Variants in PHF11 observed in about 807,000 individuals in gnomAD.
PHF11 encodes PHD finger protein 11.
A neutral mutation model predicts 40.5 loss-of-function variants in PHF11; 38 were observed. The observed-to-expected ratio is 0.94, with a 90% CI of 0.72 to 1.23. The LOEUF (loss-of-function observed/expected upper bound fraction) is 1.23. Among genes scored for constraint, PHF11 ranks in the 50% most tolerant of loss-of-function variants. The pLI is 0.00. For synonymous variants in PHF11, 127 were observed against 138.2 expected, an observed-to-expected ratio of 0.92 and a Z score of 0.57; for missense variants, 369 against 392.4, an observed-to-expected ratio of 0.94 and a Z score of 0.50.
At chr13:49,500,635 G>C (rs1328967459) in intron 1 of PHF11, among the ~76,000 whole-genome samples, 1 of 152,182 alleles carries the variant, frequency 6.6e-6, no homozygotes. Flanking sequence ...GATATGGGGG[G>C]ATTTAGCAGG....
chr13:49,521,355 T>C (rs1177150764), intron 5 of PHF11: 34 of 989,034 alleles, frequency 3.4e-5, no homozygotes, highest in African/African-American at 3.5e-5. Context: ...GACTGGATCC[T>C]GGCTAACTGG....
intron 1 of PHF11, among the ~76,000 whole-genome samples, chr13:49,498,802 ACTGT>A (rs1412904682): frequency 5.3e-5 from 8 of 152,232 alleles, no homozygotes; most frequent in Non-Finnish European, 1.2e-4. Flanking sequence ...CGCTGCCAGC[ACTGT>A]CTTTCTCTTA....
At chr13:49,514,058 C>T (rs998860960) in intron 3 of PHF11, among the ~76,000 whole-genome samples, 1 of 152,172 alleles carries the variant, frequency 6.6e-6, no homozygotes, top group Non-Finnish European at 1.5e-5. Context: ...GGGTCAGCTC[C>T]TCATGGGTCA....
At chr13:49,523,325 C>G in intron 7 of PHF11, 84 bp downstream of exon 7, 1 of 851,092 alleles carries the variant, frequency 1.2e-6, no homozygotes, top group South Asian at 1.4e-5. Context: ...CTTGGTATCC[C>G]GCCTAAATCT....
chr13:49,523,444 C>A (rs921860598), intron 7 of PHF11: 2 of 573,602 alleles, frequency 3.5e-6, no homozygotes, highest in Middle Eastern at 3.1e-4. Context: ...TGGTCCATTG[C>A]ATTCAGTATT....
intron 2 of PHF11, among the ~76,000 whole-genome samples, chr13:49,511,990 A>G (rs1366823893): frequency 6.6e-6 from 1 of 152,254 alleles, no homozygotes; most frequent in Non-Finnish European, 1.5e-5. Flanking sequence ...TAACCTTAAA[A>G]GTGATTGCAT....
chr13:49,503,295 C>T (rs1462085295), intron 1 of PHF11, among the ~76,000 whole-genome samples: 1 of 152,140 alleles, frequency 6.6e-6, no homozygotes, highest in Non-Finnish European at 1.5e-5. Context: ...CTGCCCTTGA[C>T]AATACTCCTT....
chr13:49,501,754 A>G (rs1958910831), intron 1 of PHF11, among the ~76,000 whole-genome samples: 1 of 151,818 alleles, frequency 6.6e-6, no homozygotes, highest in African/African-American at 2.4e-5. Context: ...GCAGTGGTGC[A>G]ATCTCAGCTC....
chr13:49,510,896 T>C (rs1013358099), intron 2 of PHF11, among the ~76,000 whole-genome samples: 27 of 152,216 alleles, frequency 1.8e-4, no homozygotes, highest in African/African-American at 6.3e-4. Flanking sequence ...TCAGAAAGTT[T>C]TGAGACATGT....
Position 49,496,108 on chromosome 13 carries a change from G to GGGGCGGGC in PHF11, c.94+29_94+36dup, listed in dbSNP as rs370049093. ...CTCCTTCCCACCGGTGTGTACCGCGGGGGCGGGCGGGCGGGCGGGCGGGGC... is the reference window on the plus strand; with the variant it reads ...CTCCTTCCCACCGGTGTGTACCGCGGGGGCGGGCGGGCGGGCGGGCGGGCGGGCGGGGC... On this transcript the variant is annotated intron_variant, in intron 1 of 9. Transcript: ENST00000378319. 18 of 691,728 alleles carry GGGGCGGGC rather than the reference G, an allele frequency of 2.6e-5. No homozygotes were observed. The highest frequency in any genetic ancestry group is 1.1e-4 in the African/African-American group (6 of 52,544). The allele number at this position is 691,728 out of a possible 1,614,324, so 42.8% of individuals were successfully genotyped here. A position where few individuals can be genotyped will look rare whatever the true frequency, so the allele number is the denominator to read the frequency against.
chr13:49,524,135 CTTAA>C lies in PHF11; in HGVS notation c.692_695del (p.Asn231ThrfsTer7), dbSNP rs1222308351. On this transcript the variant is annotated frameshift_variant, in exon 8 of 10. Transcript: ENST00000378319. LOFTEE classifies it high-confidence loss of function. The stretch of plus-strand genomic sequence containing the variant: ...TAAGAAATGCAAGGAAGCAGGACTT[CTTAA>C]TTACTTACTTGAAGAAATATTAGAC... 2.5e-6 allele frequency: 4 copies of C among 1,604,982 alleles called. No individual in the cohort carries two copies. Among genetic ancestry groups the C allele is most frequent in the Admixed American group, 1.7e-5 (1 of 59,538 alleles).
At position 49,496,036 on chromosome 13, in the gene PHF11, T is replaced by C. The variant is rs893951899; in HGVS notation, c.35T>C (p.Val12Ala). 6.8e-7 allele frequency: 1 copy of C among 1,469,670 alleles called. No homozygotes were observed. The highest frequency in any genetic ancestry group is 1.5e-5 in the African/African-American group (1 of 67,660). 91.0% of individuals were successfully genotyped at this position (1,469,670 alleles called of 1,614,324 possible). A position where few individuals can be genotyped will look rare whatever the true frequency, so the allele number is the denominator to read the frequency against. Residue 12 changes from valine to alanine, a missense_variant, in exon 1 of 10, where the codon GTG becomes GCG. Coordinates refer to ENST00000378319, the MANE Select transcript of PHF11 (RefSeq NM_001040443.3). ...AQASPPRPER[V>A]LGASSPEARP... ...GCGTCGCCGCCCCGGCCCGAGAGGG[T>C]GCTCGGCGCCAGCAGCCCGGAGGCC...
intron 6 of PHF11, among the ~76,000 whole-genome samples, chr13:49,522,392 A>G (rs1337714580): frequency 1.3e-5 from 2 of 152,216 alleles, no homozygotes; most frequent in African/African-American, 4.8e-5. Flanking sequence ...AGGAGGTGAC[A>G]TTCTCCGAGC....
chr13:49,512,467 T>G (rs1315243298), intron 2 of PHF11, among the ~76,000 whole-genome samples: 1 of 152,268 alleles, frequency 6.6e-6, no homozygotes, highest in East Asian at 1.9e-4. Flanking sequence ...CTTATGTTTC[T>G]CATGCCCTTT....
At chr13:49,496,889 A>G (rs1958822029) in intron 1 of PHF11, among the ~76,000 whole-genome samples, 1 of 136,678 alleles carries the variant, frequency 7.3e-6, no homozygotes, top group South Asian at 2.3e-4. Context: ...GCTGGAGTGC[A>G]AAGGCGCTAT....
intron 4 of PHF11, chr13:49,518,834 ATTTTT>A (rs11402611): frequency 2.3e-5 from 3 of 128,676 alleles, no homozygotes; most frequent in East Asian, 4.5e-4. Flanking sequence ...TTGCTAAATA[ATTTTT>A]TTTTTTTTTT....
intron 3 of PHF11, among the ~76,000 whole-genome samples, chr13:49,514,785 T>G (rs941324347): frequency 2.0e-5 from 3 of 149,358 alleles, no homozygotes; most frequent in African/African-American, 7.4e-5. Context: ...AAAGAGTGTG[T>G]GGATCCTGCT....
intron 1 of PHF11, among the ~76,000 whole-genome samples, chr13:49,501,390 C>A (rs752000736): frequency 3.0e-4 from 45 of 152,254 alleles, no homozygotes; most frequent in Non-Finnish European, 5.0e-4. Flanking sequence ...ACACAGTATT[C>A]TATCAAAGTA....
intron 9 of PHF11, chr13:49,527,363 C>T (rs1429790829): frequency 6.6e-6 from 1 of 152,112 alleles, no homozygotes; most frequent in Non-Finnish European, 1.5e-5. Context: ...GAGTGAGTGC[C>T]CTCCACACTC....
Sources: gnomAD v4.1 joint callset for allele counts (sites outside exome capture counted in the v4.1 genomes callset) on GRCh38, gnomAD v4.1.1 for gene constraint, MANE v1.5 for transcripts, NCBI Gene and HGNC (gene_info 2026-07-23, HGNC 2026-07-21) for gene names.